DMRTB1: variants seen among roughly 807,000 people sequenced by gnomAD.
The protein encoded by DMRTB1 is doublesex- and mab-3-related transcription factor B1.
DMRTB1 carries 9 observed loss-of-function variants against 25.2 expected under a neutral mutation model. The observed-to-expected ratio is 0.36, with a 90% CI of 0.22 to 0.62. The LOEUF (loss-of-function observed/expected upper bound fraction) is 0.62. Ranked by LOEUF, DMRTB1 falls within the 20% of genes least tolerant of loss-of-function variation. The pLI is 0.71. For synonymous variants in DMRTB1, 269 were observed against 238.1 expected (o/e 1.13, Z -1.20); for missense variants, 551 against 499.3 (o/e 1.10, Z -0.99).
Position 53,466,836 on chromosome 1 carries a change from G to A in DMRTB1, c.*174G>A, listed in dbSNP as rs6684358. ...AGCAATTTCTAAGTTTCAATCCTGCGCTGTACAGTTGAAGAAGAGTGTGGA... is the reference window on the plus strand; with the variant it reads ...AGCAATTTCTAAGTTTCAATCCTGCACTGTACAGTTGAAGAAGAGTGTGGA... On this transcript the variant is annotated 3_prime_UTR_variant, in exon 4 of 4. Transcript: ENST00000371445. 6.4e-3 allele frequency: 4,268 copies of A among 669,046 alleles called. 139 individuals are homozygous for A. The African/African-American group carries it at 0.069, about 11-fold the overall frequency. The allele number at this position is 669,046 out of a possible 1,614,324, so 41.4% of individuals were successfully genotyped here.
intron 1 of DMRTB1, 137 bp downstream of exon 1, chr1:53,460,167 T>G (rs1644011365): frequency 8.1e-7 from 1 of 1,235,690 alleles, no homozygotes. Context: ...TGAGAAACCC[T>G]TCTTCGAACA....
chr1:53,461,552 G>T lies in DMRTB1; in HGVS notation c.657G>T (p.Pro219=). 1.9e-6 allele frequency: 3 copies of T among 1,612,044 alleles called. No homozygotes were observed. Among genetic ancestry groups the T allele is most frequent in the East Asian group, 2.2e-5 (1 of 44,708 alleles). Residue 219 remains proline, a synonymous_variant, in exon 2 of 4, where the codon CCG becomes CCT. Coordinates refer to ENST00000371445, the MANE Select transcript of DMRTB1 (RefSeq NM_033067.3). ...PGGSSMHPYC[P]FPLGYLDAPP... Reference sequence around the variant, plus strand: ...GCTCCAGCATGCACCCCTACTGCCCGTTCCCGCTGGGCTACCTGGACGCCC... The same window carrying T: ...GCTCCAGCATGCACCCCTACTGCCCTTTCCCGCTGGGCTACCTGGACGCCC...
Position 53,466,662 on chromosome 1 carries a change from G to A in DMRTB1, c.1029G>A (p.Ter343=). The change falls in exon 4 of 4, where the codon TAG becomes TAA. Residue 343 remains the stop codon, a stop_retained_variant. Coordinates refer to ENST00000371445, the MANE Select transcript of DMRTB1 (RefSeq NM_033067.3). ...CATCGTCTCAGGAGCAGTCCGACTA[G>A]GCCCCAGGCCCGCCCTCCTGGCCAG... ...SQPSSQEQSD[*] 6.2e-7 allele frequency: 1 copy of A among 1,614,196 alleles called. No homozygotes were observed.
Position 53,459,679 on chromosome 1 carries a change from C to A in DMRTB1, c.226C>A (p.Gln76Lys), listed in dbSNP as rs1363628640. ...GGCCCTGTGTGCGCAGGGGCCCAAGCAGGCCTCCGGGGCTGCGGCCGCCGC... is the reference window on the plus strand; with the variant it reads ...GGCCCTGTGTGCGCAGGGGCCCAAGAAGGCCTCCGGGGCTGCGGCCGCCGC... ...EAALCAQGPK[Q>K]ASGAAAAAPA... Residue 76 changes from glutamine (Q) to lysine (K), a missense_variant, in exon 1 of 4, where the codon CAG (glutamine) becomes AAG (lysine). Gln to Lys is a moderately conservative substitution (Grantham distance 53, BLOSUM62 1). Transcript: ENST00000371445. 1 of 1,540,056 alleles carries A rather than the reference C, an allele frequency of 6.5e-7. No individual in the cohort carries two copies.
rs1400065768 is a variant in DMRTB1 at position 53,459,673 on chromosome 1, C to T, written c.220C>T (p.Pro74Ser). ...GGAGGCGGCCCTGTGTGCGCAGGGG[C>T]CCAAGCAGGCCTCCGGGGCTGCGGC... ...EQEAALCAQG[P>S]KQASGAAAAA... The change falls in exon 1 of 4, where the codon CCC becomes TCC. Residue 74 changes from proline to serine, a missense_variant. Physicochemically the swap from Pro to Ser is moderately conservative, Grantham distance 74. Transcript: ENST00000371445. 1 of 1,541,308 alleles carries T rather than the reference C, an allele frequency of 6.5e-7. No homozygotes were observed. Among genetic ancestry groups the T allele is most frequent in the Non-Finnish European group, 8.7e-7 (1 of 1,143,250 alleles).
At position 53,466,656 on chromosome 1, in the gene DMRTB1, C is replaced by T. The variant is rs770964936; in HGVS notation, c.1023C>T (p.Ser341=). The T allele has an allele frequency of 2.7e-5, 43 of 1,614,054 alleles. No homozygotes were observed. Among genetic ancestry groups the T allele is most frequent in the African/African-American group, 1.1e-4 (8 of 74,938 alleles). Residue 341 remains serine, a synonymous_variant, in exon 4 of 4, where the codon TCC becomes TCT. Transcript: ENST00000371445. ...GCCAGCCATCGTCTCAGGAGCAGTC[C>T]GACTAGGCCCCAGGCCCGCCCTCCT... The part of the protein sequence containing the change: ...EPSQPSSQEQ[S]D
At chr1:53,460,387 T>G in intron 1 of DMRTB1, 1 of 180,344 alleles carries the variant, frequency 5.5e-6, no homozygotes, top group Non-Finnish European at 1.2e-5. Flanking sequence ...TTCCCGCCAT[T>G]TCCTTGGGCT....
Position 53,459,543 on chromosome 1 carries a change from C to G in DMRTB1, c.90C>G (p.Cys30Trp). Reference protein sequence around the residue: ...LVPVKGHAGKCRWKQCLCEKC... With the variant: ...LVPVKGHAGKWRWKQCLCEKC... ...CCGTCAAGGGACACGCGGGCAAATG[C>G]CGCTGGAAGCAGTGCCTCTGCGAGA... The change falls in exon 1 of 4, where the codon TGC (cysteine) becomes TGG (tryptophan). Residue 30 changes from cysteine to tryptophan, a missense_variant. Transcript: ENST00000371445. The G allele has an allele frequency of 6.2e-7, 1 of 1,612,402 alleles. No homozygotes were observed. Among genetic ancestry groups the G allele is most frequent in the Non-Finnish European group, 8.5e-7 (1 of 1,179,658 alleles).
At chr1:53,460,178 G>T in intron 1 of DMRTB1, 148 bp downstream of exon 1, 1 of 1,205,030 alleles carries the variant, frequency 8.3e-7, no homozygotes, top group Non-Finnish European at 1.1e-6. Flanking sequence ...TCTTCGAACA[G>T]GGATTTGGAT....
intron 2 of DMRTB1, among the ~76,000 whole-genome samples, chr1:53,462,251 TAA>T (rs1177857191): frequency 6.6e-6 from 1 of 152,212 alleles, no homozygotes; most frequent in Non-Finnish European, 1.5e-5. Context: ...AGCGAGTGTG[TAA>T]AGTCAGGTCA....
chr1:53,466,521 A>G, intron 3 of DMRTB1, 74 bp from the exon 4 acceptor site: 1 of 1,420,366 alleles, frequency 7.0e-7, no homozygotes, highest in Non-Finnish European at 9.8e-7. Flanking sequence ...AGAAAAAAGA[A>G]AATCTTCATC....
At chr1:53,460,269 T>C (rs748628889) in intron 1 of DMRTB1, 7 of 510,552 alleles carry the variant, frequency 1.4e-5, no homozygotes, top group East Asian at 3.9e-5. Flanking sequence ...AGCTGTAGTT[T>C]GTGCCATTCC....
chr1:53,459,972 C>T lies in DMRTB1; in HGVS notation c.519C>T (p.Gly173=), dbSNP rs758140148. The change falls in exon 1 of 4, where the codon GGC becomes GGT. Residue 173 remains glycine, a synonymous_variant. Coordinates refer to ENST00000371445, the MANE Select transcript of DMRTB1 (RefSeq NM_033067.3). ...AGGCCGCAGGCAGTGGCTACCCTGG[C>T]CCCCTAGACCTGCGCAGGCCGATGC... ...GAEAAGSGYP[G]PLDLRRPMRT... 9.9e-5 allele frequency: 157 copies of T among 1,581,812 alleles called. No individual in the cohort carries two copies. Among genetic ancestry groups the T allele is most frequent in the Admixed American group, 1.5e-4 (9 of 59,004 alleles).
At chr1:53,460,575 C>G (rs1213870467) in intron 1 of DMRTB1, 1 of 152,960 alleles carries the variant, frequency 6.5e-6, no homozygotes, top group Non-Finnish European at 1.5e-5. Context: ...GGGGAGCCTG[C>G]TTCTTTACTC....
rs770136132 is a variant in DMRTB1 at position 53,464,680 on chromosome 1, C to T, written c.794C>T (p.Pro265Leu). 27 of 1,604,322 alleles carry T rather than the reference C, an allele frequency of 1.7e-5. No homozygotes were observed. The highest frequency in any genetic ancestry group is 4.5e-5 in the East Asian group (2 of 44,022). ...GACTTCCAGCCAAGCTACTACCTGC[C>T]GCCGCCGCCGCCGCCACTGCCGCCC... Reference protein sequence around the residue: ...GGDFQPSYYLPPPPPPLPPLP... With the variant: ...GGDFQPSYYLLPPPPPLPPLP... The change falls in exon 3 of 4, where the codon CCG (proline) becomes CTG (leucine). Residue 265 changes from proline (P) to leucine (L), a missense_variant. Transcript: ENST00000371445.
At chr1:53,465,233 T>C (rs1247934369) in intron 3 of DMRTB1, among the ~76,000 whole-genome samples, 2 of 152,170 alleles carry the variant, frequency 1.3e-5, no homozygotes, top group Non-Finnish European at 2.9e-5. Context: ...GCCAGGCCTC[T>C]CTAGCTGGGG....
intron 1 of DMRTB1, chr1:53,460,581 T>C (rs1188569029): frequency 1.3e-5 from 2 of 152,930 alleles, no homozygotes; most frequent in African/African-American, 4.8e-5. Context: ...CCTGCTTCTT[T>C]ACTCCACACA....
rs774222053 is a variant in DMRTB1 at position 53,461,576 on chromosome 1, C to T, written c.681C>T (p.Ala227=). The part of the protein sequence containing the change: ...YCPFPLGYLD[A]PPGVPLQQGF... ...CGTTCCCGCTGGGCTACCTGGACGC[C>T]CCTCCTGGCGTCCCCCTGCAGCAGG... Residue 227 remains alanine (A), a synonymous_variant, in exon 2 of 4, where the codon GCC becomes GCT. Transcript: ENST00000371445. 1.2e-6 allele frequency: 2 copies of T among 1,611,660 alleles called. No individual in the cohort carries two copies. The highest frequency in any genetic ancestry group is 1.1e-5 in the South Asian group (1 of 90,572).
intron 1 of DMRTB1, chr1:53,460,283 A>C (rs1358123467): frequency 1.6e-5 from 7 of 450,042 alleles, no homozygotes; most frequent in Non-Finnish European, 2.6e-5. Flanking sequence ...CCATTCCGGC[A>C]TGCAAGAACA....
Sources: allele counts gnomAD v4.1 joint callset (sites outside exome capture counted in the v4.1 genomes callset), GRCh38; gene constraint gnomAD v4.1.1; transcripts MANE v1.5; gene names NCBI Gene and HGNC (gene_info 2026-07-23, HGNC 2026-07-21).